The following LHFPL3 variants were observed in gnomAD, a reference collection of about 807,000 sequenced individuals.
LHFPL3 encodes LHFPL tetraspan subfamily member 3 protein.
Under a neutral mutation model 19.3 loss-of-function variants are expected in LHFPL3, and 5 were observed. The observed-to-expected ratio is 0.26, with a 90% CI of 0.14 to 0.54. The LOEUF (loss-of-function observed/expected upper bound fraction) is 0.54, where lower values mean the gene tolerates loss of function less well. Among genes scored for constraint, LHFPL3 ranks in the 20% least tolerant of loss-of-function variants. The pLI, the probability that LHFPL3 is intolerant of heterozygous loss-of-function variation, is 0.94. For synonymous variants in LHFPL3, 133 were observed against 126.2 expected (o/e 1.05, Z -0.36); for missense variants, 249 against 307.4 (o/e 0.81, Z 1.42).
intron 2 of LHFPL3, among the ~76,000 whole-genome samples, chr7:104,882,666 T>C (rs1476653651): frequency 6.6e-6 from 1 of 151,990 alleles, no homozygotes; most frequent in Non-Finnish European, 1.5e-5. Context: ...TGACAGTAGG[T>C]ATGGGGTTTT....
At chr7:104,586,399 G>A (rs536261386) in intron 1 of LHFPL3, among the ~76,000 whole-genome samples, 1 of 152,098 alleles carries the variant, frequency 6.6e-6, no homozygotes, top group South Asian at 2.1e-4. Flanking sequence ...TATCATCTGT[G>A]TGCACAACTT....
chr7:104,901,310 T>C (rs531277955), intron 2 of LHFPL3, among the ~76,000 whole-genome samples: 1 of 152,200 alleles, frequency 6.6e-6, no homozygotes, highest in East Asian at 1.9e-4. Flanking sequence ...CTGTGGGGAG[T>C]GGTTGTGTTC....
chr7:104,528,491 G>A lies in LHFPL3; in HGVS notation c.445+199267G>A, dbSNP rs190668375. Among the ~76,000 whole-genome samples the A allele has an allele frequency of 5.3e-5, 8 of 152,190 alleles. No homozygotes were observed. The East Asian group carries it at 9.7e-4, about 18-fold the overall frequency. ...TTAAAAAACACCTTCTGTATGCTCA[G>A]GACTATGTGATGCATACAGAATGAT... On this transcript the variant is annotated intron_variant, in intron 1 of 2. Transcript: ENST00000424859.
At chr7:104,453,236 G>T (rs1054958433) in intron 1 of LHFPL3, among the ~76,000 whole-genome samples, 2 of 150,894 alleles carry the variant, frequency 1.3e-5, no homozygotes, top group East Asian at 3.9e-4. Context: ...AAAAGGTGGA[G>T]AATTTTTTTT....
At chr7:104,520,583 C>G (rs1402505419) in intron 1 of LHFPL3, among the ~76,000 whole-genome samples, 2 of 137,262 alleles carry the variant, frequency 1.5e-5, no homozygotes, top group African/African-American at 2.7e-5. Flanking sequence ...GTCCTGGACT[C>G]TTTTTGGTTG....
intron 1 of LHFPL3, among the ~76,000 whole-genome samples, chr7:104,368,116 G>A (rs1345955385): frequency 6.6e-6 from 1 of 152,192 alleles, no homozygotes. Context: ...CATTAGCAGT[G>A]GGGCATGTGA....
chr7:104,880,292 A>G (rs1792022235), intron 2 of LHFPL3, among the ~76,000 whole-genome samples: 1 of 151,846 alleles, frequency 6.6e-6, no homozygotes, highest in Non-Finnish European at 1.5e-5. Flanking sequence ...CTCTCTCATC[A>G]TGTGATACAT....
At chr7:104,881,708 G>A (rs1792060809) in intron 2 of LHFPL3, among the ~76,000 whole-genome samples, 1 of 152,106 alleles carries the variant, frequency 6.6e-6, no homozygotes, top group South Asian at 2.1e-4. Context: ...TTGAGAAGAC[G>A]CACTTCCATT....
intron 1 of LHFPL3, chr7:104,669,349 A>G: frequency 6.2e-7 from 1 of 1,613,666 alleles, no homozygotes; most frequent in Non-Finnish European, 8.5e-7. Context: ...GAATGTCCCA[A>G]AAGGCCAAAC....
At chr7:104,663,388 T>A (rs187538702) in intron 1 of LHFPL3, among the ~76,000 whole-genome samples, 4 of 152,222 alleles carry the variant, frequency 2.6e-5, no homozygotes, top group African/African-American at 9.7e-5. Flanking sequence ...CCAGGAAGAA[T>A]TGAACTTTCA....
intron 2 of LHFPL3, among the ~76,000 whole-genome samples, chr7:104,861,945 G>A (rs1178822538): frequency 6.6e-6 from 1 of 152,148 alleles, no homozygotes; most frequent in Non-Finnish European, 1.5e-5. Flanking sequence ...TGGTGAACAG[G>A]CTGGCTCGTG....
intron 1 of LHFPL3, among the ~76,000 whole-genome samples, chr7:104,420,705 G>A (rs991600516): frequency 4.4e-4 from 67 of 152,068 alleles, no homozygotes; most frequent in African/African-American, 1.6e-3. Flanking sequence ...GACTACAGGC[G>A]CCCGCCACCA....
chr7:104,541,023 G>A (rs1584389890), intron 1 of LHFPL3, among the ~76,000 whole-genome samples: 1 of 151,544 alleles, frequency 6.6e-6, no homozygotes, highest in East Asian at 1.9e-4. Flanking sequence ...TCTGCTTAAA[G>A]CCCAGATTCC....
intron 1 of LHFPL3, among the ~76,000 whole-genome samples, chr7:104,506,211 G>A (rs1013157973): frequency 1.3e-4 from 20 of 152,006 alleles, no homozygotes; most frequent in Non-Finnish European, 2.2e-4. Flanking sequence ...GAGACGGGGT[G>A]AAAACTGATT....
chr7:104,625,557 T>G (rs945460793), intron 1 of LHFPL3, among the ~76,000 whole-genome samples: 8 of 152,108 alleles, frequency 5.3e-5, no homozygotes, highest in East Asian at 3.9e-4. Flanking sequence ...GTTCCTCTGT[T>G]TTTTTTTAAT....
chr7:104,749,416 C>G (rs544081046), intron 2 of LHFPL3, among the ~76,000 whole-genome samples: 1 of 152,332 alleles, frequency 6.6e-6, no homozygotes, highest in South Asian at 2.1e-4. Context: ...GACTATTAAG[C>G]ATTCCCTGAG....
intron 1 of LHFPL3, 76 bp from the exon 2 acceptor site, chr7:104,736,599 G>A (rs2116302224): frequency 2.2e-6 from 2 of 915,986 alleles, no homozygotes; most frequent in Non-Finnish European, 3.4e-6. Context: ...TCGACAGACA[G>A]TGGAAACATT....
chr7:104,697,575 G>C lies in LHFPL3; in HGVS notation c.446-39100G>C, dbSNP rs11763036. 1.3e-3 allele frequency among the ~76,000 whole-genome samples: 204 copies of C among 152,254 alleles called. 1 individual carries two copies. Among genetic ancestry groups the C allele is most frequent in the African/African-American group, 4.6e-3 (192 of 41,542 alleles). ...AGAAGTCAGATTTGCTGTGTATTAG[G>C]TCAAAGAATATAAGTATAATAATTC... On this transcript the variant is annotated intron_variant, in intron 1 of 2. Transcript: ENST00000424859.
chr7:104,868,702 C>T (rs1791775271), intron 2 of LHFPL3, among the ~76,000 whole-genome samples: 1 of 152,022 alleles, frequency 6.6e-6, no homozygotes, highest in Non-Finnish European at 1.5e-5. Context: ...CAATGACTTT[C>T]TTCACAGAAT....
Sources: gnomAD v4.1 joint callset for allele counts (sites outside exome capture counted in the v4.1 genomes callset) on GRCh38, gnomAD v4.1.1 for gene constraint, MANE v1.5 for transcripts, NCBI Gene and HGNC (gene_info 2026-07-23, HGNC 2026-07-21) for gene names.